The following RNF214 variants were observed in gnomAD, a reference collection of about 807,000 sequenced individuals.
RNF214 encodes ring finger protein 214.
Under a neutral mutation model 75.9 loss-of-function variants are expected in RNF214, and 25 were observed. That is an observed-to-expected ratio of 0.33 (90% CI 0.24 to 0.46). RNF214 has a LOEUF of 0.46. RNF214 is among the 20% of genes least tolerant of loss of function. The pLI is 1.00. For synonymous variants in RNF214, 314 were observed against 308.8 expected (o/e 1.02, Z -0.18); for missense variants, 725 against 857.5 (o/e 0.85, Z 1.93).
Position 117,285,294 on chromosome 11 carries a change from A to G in RNF214, c.*143A>G. The G allele has an allele frequency of 1.7e-6, 1 of 588,476 alleles. No individual in the cohort carries two copies. Among genetic ancestry groups the G allele is most frequent in the Non-Finnish European group, 3.0e-6 (1 of 329,814 alleles). The allele number at this position is 588,476 out of a possible 1,614,324, so 36.5% of individuals were successfully genotyped here. A position where few individuals can be genotyped will look rare whatever the true frequency, so the allele number is the denominator to read the frequency against. On this transcript the variant is annotated 3_prime_UTR_variant, in exon 15 of 15. Transcript: ENST00000300650. ...TTATATAGGTAATGTGTGTATAGAA[A>G]GTCTGTATTCCAATGTTCGTAAATG...
At chr11:117,279,323 C>CTTTTT (rs34196418) in intron 6 of RNF214, among the ~76,000 whole-genome samples, 7 of 104,354 alleles carry the variant, frequency 6.7e-5, no homozygotes, top group Admixed American at 9.6e-5. Flanking sequence ...GAGATACAAA[C>CTTTTT]TTTTTTTTTT....
intron 4 of RNF214, among the ~76,000 whole-genome samples, chr11:117,241,808 C>A (rs1421483469): frequency 6.6e-6 from 1 of 152,056 alleles, no homozygotes; most frequent in East Asian, 1.9e-4. Flanking sequence ...TATCATCATT[C>A]TGGTTACTTT....
At chr11:117,272,951 A>G (rs935854532) in intron 6 of RNF214, among the ~76,000 whole-genome samples, 2 of 152,206 alleles carry the variant, frequency 1.3e-5, no homozygotes, top group Admixed American at 6.5e-5. Context: ...ACCAGAAATT[A>G]AAACTGAGAA....
intron 1 of RNF214, among the ~76,000 whole-genome samples, chr11:117,233,914 T>C (rs748576067): frequency 2.6e-5 from 4 of 152,238 alleles, no homozygotes; most frequent in Admixed American, 1.3e-4. Flanking sequence ...GTACGTCTTT[T>C]ATTAAAAATG....
chr11:117,234,091 C>A (rs1028749579), intron 1 of RNF214, among the ~76,000 whole-genome samples, 176 bp from the exon 2 acceptor site: 3 of 152,212 alleles, frequency 2.0e-5, no homozygotes, highest in Non-Finnish European at 2.9e-5. Context: ...CACTAGGACA[C>A]TAGGACTTTG....
intron 2 of RNF214, among the ~76,000 whole-genome samples, chr11:117,234,866 C>G (rs2032857193): frequency 6.6e-6 from 1 of 152,106 alleles, no homozygotes; most frequent in Non-Finnish European, 1.5e-5. Flanking sequence ...TTCCAGGACC[C>G]CTACTGAGGA....
At chr11:117,279,519 T>A (rs909421479) in intron 6 of RNF214, among the ~76,000 whole-genome samples, 1 of 151,980 alleles carries the variant, frequency 6.6e-6, no homozygotes, top group African/African-American at 2.4e-5. Context: ...GTATTTTTAG[T>A]AGAGATGGGG....
At chr11:117,244,921 C>T (rs776034035) in intron 5 of RNF214, among the ~76,000 whole-genome samples, 1 of 151,796 alleles carries the variant, frequency 6.6e-6, no homozygotes, top group Non-Finnish European at 1.5e-5. Flanking sequence ...CCGCCTTGGC[C>T]TCCGAAAGGA....
At chr11:117,240,877 A>C (rs2033060584) in intron 4 of RNF214, among the ~76,000 whole-genome samples, 1 of 151,966 alleles carries the variant, frequency 6.6e-6, no homozygotes, top group African/African-American at 2.4e-5. Flanking sequence ...CCTCGTCCCT[A>C]CTAAAAATAC....
At position 117,282,795 on chromosome 11, in the gene RNF214, G is replaced by T. The variant is rs1272593590; in HGVS notation, c.1895G>T (p.Ser632Ile). 1 of 1,614,128 alleles carries T rather than the reference G, an allele frequency of 6.2e-7. No homozygotes were observed. Residue 632 changes from serine (S) to isoleucine (I), a missense_variant, in exon 13 of 15, where the codon AGT (serine) becomes ATT (isoleucine). Around this residue, in one of 2 missense-constraint regions of RNF214, gnomAD observed 363 missense variants for 513.0 expected, o/e 0.71. Transcript: ENST00000300650. ...ALFPAPLAQISTPMFLPSAQV... is the reference protein window; with the variant it reads ...ALFPAPLAQIITPMFLPSAQV... ...TTCCCTGCTCCACTGGCCCAAATCA[G>T]TACCCCAATGTTCTTGCCTTCTGCC...
At chr11:117,236,243 G>A (rs928750010) in intron 2 of RNF214, among the ~76,000 whole-genome samples, 9 of 151,426 alleles carry the variant, frequency 5.9e-5, no homozygotes, top group Non-Finnish European at 1.2e-4. Flanking sequence ...TTACAGGGAT[G>A]AGCCACTGCA....
chr11:117,280,675 A>T (rs2034109214), intron 8 of RNF214, among the ~76,000 whole-genome samples: 2 of 152,192 alleles, frequency 1.3e-5, no homozygotes, highest in Non-Finnish European at 2.9e-5. Flanking sequence ...GTCTCTAAAA[A>T]ATAAAAAATA....
intron 6 of RNF214, among the ~76,000 whole-genome samples, chr11:117,277,152 G>C (rs1318641127): frequency 1.3e-5 from 2 of 152,088 alleles, no homozygotes; most frequent in African/African-American, 4.8e-5. Flanking sequence ...AGACCACCCT[G>C]ACCAACATGG....
At chr11:117,252,926 TATTA>T (rs2033436658) in intron 6 of RNF214, among the ~76,000 whole-genome samples, 3 of 152,360 alleles carry the variant, frequency 2.0e-5, no homozygotes, top group African/African-American at 4.8e-5. Flanking sequence ...TTCACATTAA[TATTA>T]ATTAAAGATG....
At chr11:117,240,570 C>A (rs534561319) in intron 4 of RNF214, among the ~76,000 whole-genome samples, 1 of 151,596 alleles carries the variant, frequency 6.6e-6, no homozygotes, top group Admixed American at 6.6e-5. Flanking sequence ...TGCCTGTAAT[C>A]CCAGCTACTC....
intron 6 of RNF214, among the ~76,000 whole-genome samples, chr11:117,276,534 G>T (rs1471990148): frequency 6.6e-6 from 1 of 152,080 alleles, no homozygotes; most frequent in East Asian, 1.9e-4. Context: ...GGAGTTCAAG[G>T]TTACAGTGAG....
At chr11:117,254,685 A>G (rs184687387) in intron 6 of RNF214, among the ~76,000 whole-genome samples, 40 of 151,166 alleles carry the variant, frequency 2.6e-4, no homozygotes, top group Middle Eastern at 3.4e-3. Context: ...GTCCAGTGGC[A>G]CGATCTCAGC....
intron 4 of RNF214, among the ~76,000 whole-genome samples, chr11:117,242,695 A>C (rs945073211): frequency 2.6e-5 from 4 of 152,198 alleles, no homozygotes; most frequent in African/African-American, 9.7e-5. Flanking sequence ...TCTCCTAAAA[A>C]TACAAAAATT....
At chr11:117,277,480 T>C (rs2034035981) in intron 6 of RNF214, among the ~76,000 whole-genome samples, 1 of 152,130 alleles carries the variant, frequency 6.6e-6, no homozygotes, top group Non-Finnish European at 1.5e-5. Context: ...AGAGATTGAA[T>C]AAGTGTGTAA....
Sources: allele counts gnomAD v4.1 joint callset (sites outside exome capture counted in the v4.1 genomes callset), GRCh38; gene constraint gnomAD v4.1.1; regional missense constraint gnomAD v4.1.1; transcripts MANE v1.5; gene names NCBI Gene and HGNC (gene_info 2026-07-23, HGNC 2026-07-21).